The following EPHA6 variants were observed in gnomAD, a reference collection of about 807,000 sequenced individuals.
The protein encoded by EPHA6 is EPH receptor A6.
A neutral mutation model predicts 112.0 loss-of-function variants in EPHA6; 50 were observed. The observed-to-expected ratio is 0.45, with a 90% CI of 0.36 to 0.56. The LOEUF is 0.56. Among genes scored for constraint, EPHA6 ranks in the 20% least tolerant of loss-of-function variants. EPHA6 has a pLI of 0.00. For synonymous variants in EPHA6, 529 were observed against 490.7 expected (o/e 1.08, Z -1.03); for missense variants, 1,280 against 1,417.4 (o/e 0.90, Z 1.56).
Position 96,991,851 on chromosome 3 carries a change from G to A in EPHA6, c.1114+3858G>A, listed in dbSNP as rs187797748. On this transcript the variant is annotated intron_variant, in intron 3 of 17. Coordinates refer to ENST00000389672, the MANE Select transcript of EPHA6 (RefSeq NM_001080448.3). Reference sequence around the variant, plus strand: ...CACAACACACATGGAACAGGGGCAGGATAATTGGAAAATTTTCTCCCATTC... The same window carrying A: ...CACAACACACATGGAACAGGGGCAGAATAATTGGAAAATTTTCTCCCATTC... Among the ~76,000 whole-genome samples, 11 of 152,238 alleles carry A rather than the reference G, an allele frequency of 7.2e-5. No homozygotes were observed. In the East Asian group the frequency reaches 2.1e-3, roughly 29 times the overall value.
At chr3:97,451,814 G>A (rs753936903) in intron 7 of EPHA6, among the ~76,000 whole-genome samples, 1 of 151,696 alleles carries the variant, frequency 6.6e-6, no homozygotes. Flanking sequence ...TTCTCAAGTA[G>A]TGCCTGAATT....
At chr3:97,522,824 G>T (rs539723766) in intron 10 of EPHA6, among the ~76,000 whole-genome samples, 1 of 151,980 alleles carries the variant, frequency 6.6e-6, no homozygotes, top group Admixed American at 6.6e-5. Flanking sequence ...ATTTATAAGC[G>T]TAAAGTTGTT....
At chr3:97,487,124 A>ATATTCAGG (rs2091717464) in intron 10 of EPHA6, among the ~76,000 whole-genome samples, 1 of 152,192 alleles carries the variant, frequency 6.6e-6, no homozygotes, top group Admixed American at 6.5e-5. Context: ...CAAGTGCAGG[A>ATATTCAGG]TATTCAGGCA....
chr3:96,943,339 C>T (rs766443479), intron 2 of EPHA6, among the ~76,000 whole-genome samples: 44 of 152,074 alleles, frequency 2.9e-4, no homozygotes, highest in Non-Finnish European at 5.7e-4. Flanking sequence ...GCTAAATACT[C>T]TGATTTGATT....
At chr3:97,598,018 GGAAAA>G (rs1480748706) in intron 12 of EPHA6, among the ~76,000 whole-genome samples, 1 of 151,966 alleles carries the variant, frequency 6.6e-6, no homozygotes, top group African/African-American at 2.4e-5. Context: ...AGTCAACAGT[GGAAAA>G]GTATATGCAT....
intron 5 of EPHA6, among the ~76,000 whole-genome samples, chr3:97,257,161 C>T (rs1208981341): frequency 6.6e-6 from 1 of 151,598 alleles, no homozygotes; most frequent in Non-Finnish European, 1.5e-5. Context: ...TACCCTAAAA[C>T]AAATTTTAAA....
chr3:97,582,551 C>T (rs2093448010), intron 11 of EPHA6, among the ~76,000 whole-genome samples: 1 of 152,120 alleles, frequency 6.6e-6, no homozygotes, highest in South Asian at 2.1e-4. Context: ...GCCACCAACA[C>T]CCTACCACCA....
At position 97,697,313 on chromosome 3, in the gene EPHA6, T is replaced by G. The variant is rs1038176349; in HGVS notation, c.2785-22948T>G. 5.9e-5 allele frequency among the ~76,000 whole-genome samples: 9 copies of G among 152,224 alleles called. No homozygotes were observed. The East Asian group carries it at 1.7e-3, about 29-fold the overall frequency. ...GAATAATGTAGGATAGGTTTATAAT[T>G]TAGAATACTTGCTTATTATTAGTTT... On this transcript the variant is annotated intron_variant, in intron 14 of 17. Coordinates refer to ENST00000389672, the MANE Select transcript of EPHA6 (RefSeq NM_001080448.3).
chr3:97,214,522 C>A (rs1459462875), intron 3 of EPHA6, among the ~76,000 whole-genome samples: 2 of 148,732 alleles, frequency 1.3e-5, no homozygotes, highest in Admixed American at 6.7e-5. Context: ...AGTGGTATTT[C>A]AATCACTGTA....
chr3:97,347,801 G>C (rs1053928468), intron 5 of EPHA6, among the ~76,000 whole-genome samples: 1 of 151,988 alleles, frequency 6.6e-6, no homozygotes, highest in South Asian at 2.1e-4. Context: ...ATAAACTTCA[G>C]CATTTCAAAA....
chr3:96,851,903 G>A (rs2035413120), intron 1 of EPHA6, among the ~76,000 whole-genome samples: 2 of 152,168 alleles, frequency 1.3e-5, no homozygotes. Flanking sequence ...TTGGTCCCTT[G>A]AGAGTTGCTC....
At chr3:96,963,052 A>T (rs1291063607) in intron 2 of EPHA6, among the ~76,000 whole-genome samples, 4 of 151,434 alleles carry the variant, frequency 2.6e-5, no homozygotes, top group Non-Finnish European at 5.9e-5. Context: ...TACTTGGGAG[A>T]CTGAGACAGG....
At chr3:96,967,642 T>A (rs2042172223) in intron 2 of EPHA6, among the ~76,000 whole-genome samples, 1 of 151,952 alleles carries the variant, frequency 6.6e-6, no homozygotes, top group Non-Finnish European at 1.5e-5. Flanking sequence ...TTATTTTGTT[T>A]TAGTTGTTAT....
chr3:97,289,809 AT>A (rs2080614218), intron 5 of EPHA6, among the ~76,000 whole-genome samples: 1 of 151,586 alleles, frequency 6.6e-6, no homozygotes, highest in Non-Finnish European at 1.5e-5. Flanking sequence ...TATGGATTTT[AT>A]TTTTTGTGAG....
chr3:97,285,833 C>T (rs2080446748), intron 5 of EPHA6, among the ~76,000 whole-genome samples: 1 of 152,006 alleles, frequency 6.6e-6, no homozygotes, highest in South Asian at 2.1e-4. Context: ...ATAATGGCTG[C>T]ATTAATTTAC....
intron 2 of EPHA6, among the ~76,000 whole-genome samples, chr3:96,956,093 A>T (rs1161958000): frequency 6.9e-6 from 1 of 144,002 alleles, no homozygotes; most frequent in Admixed American, 7.0e-5. Context: ...TAATTGAAAA[A>T]TGTTGCAGTG....
chr3:97,373,150 C>G (rs184483989), intron 5 of EPHA6, among the ~76,000 whole-genome samples: 2 of 152,064 alleles, frequency 1.3e-5, no homozygotes, highest in Admixed American at 1.3e-4. Context: ...TTAGTAATTC[C>G]TATTTATGAA....
At chr3:96,895,291 A>C (rs1206575905) in intron 2 of EPHA6, among the ~76,000 whole-genome samples, 1 of 152,134 alleles carries the variant, frequency 6.6e-6, no homozygotes, top group Non-Finnish European at 1.5e-5. Flanking sequence ...AATAAAAAAT[A>C]ATAAAGGTTG....
intron 5 of EPHA6, among the ~76,000 whole-genome samples, chr3:97,284,517 A>T (rs2080398744): frequency 6.6e-6 from 1 of 152,128 alleles, no homozygotes; most frequent in Non-Finnish European, 1.5e-5. Context: ...TGTAATTTTT[A>T]GCCATATGCT....
Sources: gnomAD v4.1 joint callset for allele counts (sites outside exome capture counted in the v4.1 genomes callset) on GRCh38, gnomAD v4.1.1 for gene constraint, MANE v1.5 for transcripts, NCBI Gene and HGNC (gene_info 2026-07-23, HGNC 2026-07-21) for gene names.